Variants in MEX3D observed in about 807,000 individuals in gnomAD.
MEX3D encodes the protein mex-3 RNA binding family member D, also known as RNA-binding protein MEX3D.
Under a neutral mutation model 6.3 loss-of-function variants are expected in MEX3D, and 4 were observed. That is an observed-to-expected ratio of 0.64 (90% CI 0.31 to 1.46). The LOEUF is 1.46. Among genes scored for constraint, MEX3D ranks in the 40% most tolerant of loss-of-function variants. The pLI is 0.07. For synonymous variants in MEX3D, 626 were observed against 494.1 expected, an observed-to-expected ratio of 1.27 and a Z score of -3.54; for missense variants, 1,038 against 994.4, an observed-to-expected ratio of 1.04 and a Z score of -0.59.
In MEX3D at chr19:1,555,344, T is replaced by C. The variant is rs756881276; in HGVS notation, c.*219A>G. The C allele has an allele frequency of 6.2e-7, 1 of 1,600,566 alleles. No homozygotes were observed. The highest frequency in any genetic ancestry group is 8.5e-7 in the Non-Finnish European group (1 of 1,172,772). On this transcript the variant is annotated 3_prime_UTR_variant, in exon 2 of 2. Transcript: ENST00000402693. ...TAACCTGACCACTCAATACTGTCGTTGAAGGGCTGAGGCGCCGCCGGGCTG... is the reference window on the plus strand; with the variant it reads ...TAACCTGACCACTCAATACTGTCGTCGAAGGGCTGAGGCGCCGCCGGGCTG...
At chr19:1,557,687 T>C (rs1599323730) in intron 1 of MEX3D, among the ~76,000 whole-genome samples, 1 of 149,358 alleles carries the variant, frequency 6.7e-6, no homozygotes, top group Middle Eastern at 3.5e-3. Flanking sequence ...GGTGAAACCC[T>C]GTCTCTACTA....
chr19:1,556,135 G>C lies in MEX3D; in HGVS notation c.1384C>G (p.Leu462Val). Residue 462 changes from leucine (L) to valine (V), a missense_variant, in exon 2 of 2, where the codon CTG (leucine) becomes GTG (valine). Transcript: ENST00000402693. The surrounding 1 kb of genome is among the most constrained non-coding windows in gnomAD (Gnocchi z 7.5). ...DFGFDFDFLA[L>V]DLTVPAAATI... ...GCCGCGGCGGGCACGGTCAGGTCCAGCGCCAGGAAGTCGAAGTCGAAGCCG... is the reference window on the plus strand; with the variant it reads ...GCCGCGGCGGGCACGGTCAGGTCCACCGCCAGGAAGTCGAAGTCGAAGCCG... The C allele has an allele frequency of 6.8e-7, 1 of 1,473,152 alleles. No homozygotes were observed. 91.3% of individuals were successfully genotyped at this position (1,473,152 alleles called of 1,614,324 possible).
rs527408792 is a variant in MEX3D at position 1,556,992 on chromosome 19, G to A, written c.596-69C>T. On this transcript the variant is annotated intron_variant, in intron 1 of 1. Coordinates refer to ENST00000402693, the MANE Select transcript of MEX3D (RefSeq NM_203304.4). This position sits in a 1 kb window ranked among gnomAD's most constrained non-coding sequence, Gnocchi z 7.5. Reference sequence around the variant, plus strand: ...TGCGCAGCTCAGCCCCGCTGGGCATGCAGGCTGCAGGGCCAGTGAGGGAGC... The same window carrying A: ...TGCGCAGCTCAGCCCCGCTGGGCATACAGGCTGCAGGGCCAGTGAGGGAGC... 22 of 1,506,272 alleles carry A rather than the reference G, an allele frequency of 1.5e-5. No individual in the cohort carries two copies. In the South Asian group the frequency reaches 2.9e-4, roughly 20 times the overall value. 93.3% of individuals were successfully genotyped at this position (1,506,272 alleles called of 1,614,324 possible).
chr19:1,562,940 C>A (rs891821065), intron 1 of MEX3D, among the ~76,000 whole-genome samples: 3 of 152,078 alleles, frequency 2.0e-5, no homozygotes, highest in Non-Finnish European at 2.9e-5. Flanking sequence ...ACTGCTTGAA[C>A]CTGGGAGGTG....
At position 1,567,644 on chromosome 19, in the gene MEX3D, G is replaced by T; in HGVS notation, c.415C>A (p.Pro139Thr). 9 of 1,115,026 alleles carry T rather than the reference G, an allele frequency of 8.1e-6. No homozygotes were observed. The highest frequency in any genetic ancestry group is 1.0e-5 in the Non-Finnish European group (9 of 885,360). 69.1% of individuals were successfully genotyped at this position (1,115,026 alleles called of 1,614,324 possible). The change falls in exon 1 of 2, where the codon CCC (proline) becomes ACC (threonine). Residue 139 changes from proline to threonine, a missense_variant. By Grantham distance (38) the Pro-to-Thr change is conservative. This residue lies in a region of MEX3D where 265 missense variants were observed against 206.3 expected (regional missense o/e 1.28). Coordinates refer to ENST00000402693, the MANE Select transcript of MEX3D (RefSeq NM_203304.4). This position sits in a 1 kb window ranked among gnomAD's most constrained non-coding sequence, Gnocchi z 6.5. ...AACACGTCGGGGGGCGACGGCCGGG[G>T]CGGCGGCGGCGGCGGGGGACTCGCG... ...PNASPPPPPP[P>T]RPSPPDVFAG...
intron 1 of MEX3D, among the ~76,000 whole-genome samples, chr19:1,566,305 A>G (rs1235790182): frequency 6.6e-6 from 1 of 152,074 alleles, no homozygotes; most frequent in Non-Finnish European, 1.5e-5. Flanking sequence ...ATGAACGACC[A>G]AAAGACAGGA....
At chr19:1,558,746 C>T (rs139256868) in intron 1 of MEX3D, among the ~76,000 whole-genome samples, 5 of 152,192 alleles carry the variant, frequency 3.3e-5, no homozygotes, top group African/African-American at 7.2e-5. Context: ...GGTCTCGGCC[C>T]GACTGCAGAC....
chr19:1,567,175 G>A lies in MEX3D; in HGVS notation c.595+289C>T, dbSNP rs1914863407. Reference sequence around the variant, plus strand: ...GGGGTGCCCCTGCGGGCGGCCGAGGGCCTGGGCTGCGGCGCGGCTCCCCGG... The same window carrying A: ...GGGGTGCCCCTGCGGGCGGCCGAGGACCTGGGCTGCGGCGCGGCTCCCCGG... On this transcript the variant is annotated intron_variant, in intron 1 of 1. Transcript: ENST00000402693. This position sits in a 1 kb window ranked among gnomAD's most constrained non-coding sequence, Gnocchi z 6.5. Among the ~76,000 whole-genome samples the A allele has an allele frequency of 2.0e-5, 3 of 151,948 alleles. No individual in the cohort carries two copies. The highest frequency in any genetic ancestry group is 7.2e-5 in the African/African-American group (3 of 41,428).
chr19:1,560,884 T>C (rs1466488142), intron 1 of MEX3D, among the ~76,000 whole-genome samples: 1 of 152,056 alleles, frequency 6.6e-6, no homozygotes, highest in Non-Finnish European at 1.5e-5. Flanking sequence ...GAATCGGGGC[T>C]CCAGGAGTGA....
Position 1,555,213 on chromosome 19 carries a change from C to A in MEX3D, c.*350G>T. 1.9e-6 allele frequency: 2 copies of A among 1,045,648 alleles called. No homozygotes were observed. The highest frequency in any genetic ancestry group is 1.6e-5 in the South Asian group (1 of 62,630). The allele number at this position is 1,045,648 out of a possible 1,614,324, so 64.8% of individuals were successfully genotyped here. On this transcript the variant is annotated 3_prime_UTR_variant, in exon 2 of 2. Coordinates refer to ENST00000402693, the MANE Select transcript of MEX3D (RefSeq NM_203304.4). ...AAAAAACGCTGAGCGCTGGAAAAGTCGTGTTTTTTGTTTTGCTTTTTTAAA... is the reference window on the plus strand; with the variant it reads ...AAAAAACGCTGAGCGCTGGAAAAGTAGTGTTTTTTGTTTTGCTTTTTTAAA...
In MEX3D at chr19:1,556,987, G is replaced by A. The variant is rs1914589612; in HGVS notation, c.596-64C>T. 5 of 1,512,626 alleles carry A rather than the reference G, an allele frequency of 3.3e-6. No individual in the cohort carries two copies. Among genetic ancestry groups the A allele is most frequent in the Admixed American group, 2.1e-5 (1 of 47,566 alleles). 93.7% of individuals were successfully genotyped at this position (1,512,626 alleles called of 1,614,324 possible). On this transcript the variant is annotated intron_variant, in intron 1 of 1. Transcript: ENST00000402693. The surrounding 1 kb of genome is among the most constrained non-coding windows in gnomAD (Gnocchi z 7.5). ...CCCCCTGCGCAGCTCAGCCCCGCTG[G>A]GCATGCAGGCTGCAGGGCCAGTGAG... is the stretch of plus-strand genomic sequence containing the variant.
Position 1,556,286 on chromosome 19 carries a change from G to A in MEX3D, c.1233C>T (p.Gly411=), listed in dbSNP as rs1376674225. The change falls in exon 2 of 2, where the codon GGC becomes GGT. Residue 411 remains glycine (G), a synonymous_variant. Coordinates refer to ENST00000402693, the MANE Select transcript of MEX3D (RefSeq NM_203304.4). The surrounding 1 kb of genome is among the most constrained non-coding windows in gnomAD (Gnocchi z 7.5). ...APEAFYAGSR[G]GPSVPDPGPA... The stretch of plus-strand genomic sequence containing the variant: ...GGCCTGGGTCCGGCACGGAGGGGCC[G>A]CCGCGGCTGCCCGCGTAGAAGGCCT... 8.6e-6 allele frequency: 11 copies of A among 1,274,856 alleles called. No individual in the cohort carries two copies. The highest frequency in any genetic ancestry group is 9.9e-6 in the Non-Finnish European group (10 of 1,012,830). The allele number at this position is 1,274,856 out of a possible 1,614,324, so 79.0% of individuals were successfully genotyped here.
At position 1,555,521 on chromosome 19, in the gene MEX3D, CT is replaced by C. The variant is rs555505091; in HGVS notation, c.*41del. 2.1e-4 allele frequency: 328 copies of C among 1,532,238 alleles called. No homozygotes were observed. In the African/African-American group the frequency reaches 3.6e-3, roughly 17 times the overall value. 94.9% of individuals were successfully genotyped at this position (1,532,238 alleles called of 1,614,324 possible). ...CCCGCCCCGTCTCCCGCGCCCACCC[CT>C]GGCCCCCGCAGATGGCCCCGGCCAC... On this transcript the variant is annotated 3_prime_UTR_variant, in exon 2 of 2. Transcript: ENST00000402693.
In MEX3D at chr19:1,567,277, G is replaced by T. The variant is rs1025451008; in HGVS notation, c.595+187C>A. ...CGCGCAGGGGAGGAGCGCGGGCTGC[G>T]CCCAACTTTCTCCCGCGGCGGCTGC... On this transcript the variant is annotated intron_variant, in intron 1 of 1. Transcript: ENST00000402693. The surrounding 1 kb of genome is among the most constrained non-coding windows in gnomAD (Gnocchi z 6.5). Among the ~76,000 whole-genome samples the T allele has an allele frequency of 9.2e-5, 14 of 151,708 alleles. No individual in the cohort carries two copies. The highest frequency in any genetic ancestry group is 9.2e-4 in the Admixed American group (14 of 15,240).
Position 1,556,463 on chromosome 19 carries a change from G to A in MEX3D, c.1056C>T (p.Ser352=), listed in dbSNP as rs1383981767. ...CGTCGGTGCCGTTGGCGTGGAAGTC[G>A]CTGTCGGGGCCCGCGTCGGTGAAGG... The part of the protein sequence containing the change: ...TGAFTDAGPD[S]DFHANGTDVC... Residue 352 remains serine, a synonymous_variant, in exon 2 of 2, where the codon AGC becomes AGT. Coordinates refer to ENST00000402693, the MANE Select transcript of MEX3D (RefSeq NM_203304.4). This position sits in a 1 kb window ranked among gnomAD's most constrained non-coding sequence, Gnocchi z 7.5. 3 of 1,599,980 alleles carry A rather than the reference G, an allele frequency of 1.9e-6. No homozygotes were observed. Among genetic ancestry groups the A allele is most frequent in the Admixed American group, 1.7e-5 (1 of 59,808 alleles).
At chr19:1,565,263 C>T (rs930298265) in intron 1 of MEX3D, among the ~76,000 whole-genome samples, 20 of 152,106 alleles carry the variant, frequency 1.3e-4, no homozygotes, top group African/African-American at 3.9e-4. Flanking sequence ...TAAAACTGGC[C>T]GTGCGCAGTG....
chr19:1,560,008 G>A (rs758151461), intron 1 of MEX3D, among the ~76,000 whole-genome samples: 7 of 152,202 alleles, frequency 4.6e-5, no homozygotes, highest in Non-Finnish European at 8.8e-5. Context: ...GACTGCATCG[G>A]GTTGGGCCTG....
Position 1,567,360 on chromosome 19 carries a change from G to C in MEX3D, c.595+104C>G. 7.8e-7 allele frequency: 1 copy of C among 1,289,248 alleles called. No individual in the cohort carries two copies. Among genetic ancestry groups the C allele is most frequent in the Non-Finnish European group, 1.0e-6 (1 of 999,172 alleles). 79.9% of individuals were successfully genotyped at this position (1,289,248 alleles called of 1,614,324 possible). A position where few individuals can be genotyped will look rare whatever the true frequency, so the allele number is the denominator to read the frequency against. On this transcript the variant is annotated intron_variant, in intron 1 of 1. Transcript: ENST00000402693. This position sits in a 1 kb window ranked among gnomAD's most constrained non-coding sequence, Gnocchi z 6.5. ...GGAGCCCACGCGGGGCGTGTCCGGT[G>C]CGGGGCGTCCGGCGCGGGCTGGGCT...
rs1328767271 is a variant in MEX3D, at chr19:1,567,763, G to A, written c.296C>T (p.Pro99Leu). The A allele has an allele frequency of 3.5e-5, 34 of 963,606 alleles. No homozygotes were observed. The highest frequency in any genetic ancestry group is 1.4e-4 in the South Asian group (3 of 21,522). The allele number at this position is 963,606 out of a possible 1,614,324, so 59.7% of individuals were successfully genotyped here. Reference protein sequence around the residue: ...AAGGADGGAAPEPVPPDGPEA... With the variant: ...AAGGADGGAALEPVPPDGPEA... The stretch of plus-strand genomic sequence containing the variant: ...AGGTCCGTCGGGGGGCACAGGCTCC[G>A]GAGCCGCCCCGCCGTCCGCGCCCCC... The change falls in exon 1 of 2, where the codon CCG (proline) becomes CTG (leucine). Residue 99 changes from proline (P) to leucine (L), a missense_variant. Pro to Leu is a moderately conservative substitution (Grantham distance 98). This residue lies in a region of MEX3D where 265 missense variants were observed against 206.3 expected (regional missense o/e 1.28). Coordinates refer to ENST00000402693, the MANE Select transcript of MEX3D (RefSeq NM_203304.4). The surrounding 1 kb of genome is among the most constrained non-coding windows in gnomAD (Gnocchi z 6.5).
Sources: gnomAD v4.1 joint callset for allele counts (sites outside exome capture counted in the v4.1 genomes callset) on GRCh38, gnomAD v4.1.1 for gene constraint, gnomAD v4.1.1 regional missense constraint, Gnocchi (gnomAD v3.1) non-coding constraint, MANE v1.5 for transcripts, NCBI Gene and HGNC (gene_info 2026-07-23, HGNC 2026-07-21) for gene names.